Variants in GPC4 observed in about 807,000 individuals in gnomAD.
The protein encoded by GPC4 is glypican 4.
In GPC4, 10 loss-of-function variants were observed where a neutral mutation model predicts 35.0. That is an observed-to-expected ratio of 0.29 (90% CI 0.18 to 0.48). GPC4 has a LOEUF of 0.48. Among genes scored for constraint, GPC4 ranks in the 20% least tolerant of loss-of-function variants. The pLI, the probability that GPC4 is intolerant of heterozygous loss-of-function variation, is 0.99. For missense variants in GPC4, 322 were observed against 451.3 expected (o/e 0.71, Z 2.60); for synonymous variants, 167 against 170.2 (o/e 0.98, Z 0.15).
chrX:133,361,242 G>A (rs2068566067), intron 1 of GPC4, among the ~76,000 whole-genome samples: 1 of 111,634 alleles, frequency 9.0e-6, no homozygotes, highest in Admixed American at 9.5e-5. Flanking sequence ...TTCCAAAAAA[G>A]AACATTCATT....
At chrX:133,307,998 G>T (rs2068298157) in intron 4 of GPC4, among the ~76,000 whole-genome samples, 1 of 111,893 alleles carries the variant, frequency 8.9e-6, no homozygotes, top group Non-Finnish European at 1.9e-5. Context: ...CTGGGCCTTT[G>T]TTGGGGCCGG....
At chrX:133,305,069 G>C (rs1775841485) in intron 6 of GPC4, among the ~76,000 whole-genome samples, 2 of 111,795 alleles carry the variant, frequency 1.8e-5, no homozygotes, top group Non-Finnish European at 3.8e-5. Flanking sequence ...AGCTCCAAAG[G>C]AGTGGCCTAG....
At chrX:133,393,341 T>A (rs963007263) in intron 1 of GPC4, among the ~76,000 whole-genome samples, 5 of 111,392 alleles carry the variant, frequency 4.5e-5, no homozygotes, top group Non-Finnish European at 9.4e-5. Context: ...TTCAAGCAAC[T>A]AATTTGTAGT....
intron 6 of GPC4, among the ~76,000 whole-genome samples, chrX:133,305,466 C>T (rs2068286630): frequency 8.9e-6 from 1 of 112,171 alleles, no homozygotes; most frequent in Non-Finnish European, 1.9e-5. Flanking sequence ...AAGGATCTGC[C>T]TTATTTCTCT....
intron 1 of GPC4, among the ~76,000 whole-genome samples, chrX:133,370,489 C>T (rs1412878984): frequency 8.9e-6 from 1 of 111,811 alleles, no homozygotes; most frequent in Non-Finnish European, 1.9e-5. Context: ...AATTCCTATA[C>T]TTATAAAGTT....
intron 4 of GPC4, 122 bp from the exon 5 acceptor site, chrX:133,306,276 C>CATGG (rs1336548636): frequency 1.3e-6 from 1 of 750,648 alleles, no homozygotes. Flanking sequence ...GGAAGTAAGG[C>CATGG]ATGGATCATA....
At chrX:133,392,012 C>T (rs1402904642) in intron 1 of GPC4, among the ~76,000 whole-genome samples, 1 of 110,627 alleles carries the variant, frequency 9.0e-6, no homozygotes, top group East Asian at 2.8e-4. Context: ...GCTGGTGGAT[C>T]ACCTGAGGTC....
intron 1 of GPC4, among the ~76,000 whole-genome samples, chrX:133,367,598 G>A (rs1161693765): frequency 1.8e-5 from 2 of 112,387 alleles, no homozygotes; most frequent in Non-Finnish European, 3.8e-5. Flanking sequence ...GCTGGGTGCG[G>A]TGGCTAATGC....
intron 3 of GPC4, among the ~76,000 whole-genome samples, chrX:133,313,967 A>C (rs1479001987): frequency 1.8e-5 from 2 of 112,101 alleles, no homozygotes. Flanking sequence ...AAAATCACTG[A>C]ATAGCACGTG....
chrX:133,348,915 CAG>C (rs1310119603), intron 1 of GPC4, among the ~76,000 whole-genome samples: 3 of 112,288 alleles, frequency 2.7e-5, no homozygotes, highest in African/African-American at 9.7e-5. Flanking sequence ...TTTCTTTTTA[CAG>C]AGAGTGAGAT....
chrX:133,399,339 G>A (rs1242722087), intron 1 of GPC4, among the ~76,000 whole-genome samples: 7 of 111,404 alleles, frequency 6.3e-5, no homozygotes, highest in Admixed American at 4.8e-4. Flanking sequence ...CAGTGCCCCT[G>A]TAAACCCAAT....
chrX:133,403,465 C>T (rs1470745158), intron 1 of GPC4, among the ~76,000 whole-genome samples: 2 of 111,212 alleles, frequency 1.8e-5, no homozygotes, highest in Non-Finnish European at 3.8e-5. Context: ...GGTTTACCTC[C>T]CAGAGACTCC....
chrX:133,361,709 C>T (rs966451877), intron 1 of GPC4, among the ~76,000 whole-genome samples: 1 of 111,768 alleles, frequency 8.9e-6, no homozygotes, highest in Admixed American at 9.5e-5. Context: ...TGAAATGATA[C>T]AAAACCTGGG....
intron 1 of GPC4, among the ~76,000 whole-genome samples, chrX:133,358,351 T>C (rs1603080387): frequency 8.9e-6 from 1 of 112,293 alleles, no homozygotes; most frequent in South Asian, 3.7e-4. Flanking sequence ...ATCTAACTCA[T>C]GAATAAAATT....
intron 1 of GPC4, among the ~76,000 whole-genome samples, chrX:133,339,725 C>T (rs895653127): frequency 1.8e-5 from 2 of 112,323 alleles, no homozygotes; most frequent in African/African-American, 6.5e-5. Flanking sequence ...TGGGAGTTTA[C>T]ACTCCAAGAG....
chrX:133,381,676 T>C (rs1311520742), intron 1 of GPC4, among the ~76,000 whole-genome samples: 2 of 112,722 alleles, frequency 1.8e-5, no homozygotes, highest in African/African-American at 6.4e-5. Context: ...CCATTTAGCA[T>C]GTGTGAAACT....
chrX:133,312,601 C>T (rs1165753313), intron 3 of GPC4, among the ~76,000 whole-genome samples: 1 of 107,679 alleles, frequency 9.3e-6, no homozygotes, highest in East Asian at 2.9e-4. Context: ...TACACTCCAG[C>T]CTGTGTGACA....
chrX:133,314,593 C>T (rs886723632), intron 3 of GPC4, among the ~76,000 whole-genome samples: 5 of 110,781 alleles, frequency 4.5e-5, no homozygotes, highest in Admixed American at 1.9e-4. Flanking sequence ...TAAATAATAC[C>T]AGAACTGAAA....
At chrX:133,310,094 G>C (rs907219894) in intron 4 of GPC4, among the ~76,000 whole-genome samples, 2 of 111,130 alleles carry the variant, frequency 1.8e-5, no homozygotes, top group African/African-American at 6.5e-5. Context: ...CCAATTTATT[G>C]ATGCACTTTC....
Sources: gnomAD v4.1 joint callset for allele counts (sites outside exome capture counted in the v4.1 genomes callset) on GRCh38, gnomAD v4.1.1 for gene constraint, MANE v1.5 for transcripts, NCBI Gene and HGNC (gene_info 2026-07-23, HGNC 2026-07-21) for gene names.